RANBP2: variants seen among roughly 807,000 people sequenced by gnomAD.
The protein encoded by RANBP2 is RAN binding protein 2, also known as E3 SUMO-protein ligase RanBP2.
In RANBP2, 57 loss-of-function variants were observed where a neutral mutation model predicts 303.6. That is an observed-to-expected ratio of 0.19 (90% CI 0.15 to 0.23). The LOEUF is 0.23. RANBP2 is among the 10% of genes least tolerant of loss of function. The pLI is 1.00. For missense variants in RANBP2, 3,138 were observed against 3,780.8 expected (o/e 0.83, Z 4.46); for synonymous variants, 1,167 against 1,301.5 (o/e 0.90, Z 2.23).
the RANBP2 span, among the ~76,000 whole-genome samples, chr2:109,734,886 A>G: frequency 2.0e-5 from 3 of 152,158 alleles, no homozygotes; most frequent in African/African-American, 7.2e-5. Context: ...ATTGTCACAT[A>G]ATGATTGCAC....
At chr2:109,631,082 C>A in the RANBP2 span, among the ~76,000 whole-genome samples, 1 of 152,096 alleles carries the variant, frequency 6.6e-6, no homozygotes, top group East Asian at 1.9e-4. Flanking sequence ...AATAAACAAA[C>A]AACAGAAAGT....
At chr2:109,708,568 G>A in the RANBP2 span, among the ~76,000 whole-genome samples, 1 of 152,006 alleles carries the variant, frequency 6.6e-6, no homozygotes, top group Non-Finnish European at 1.5e-5. Flanking sequence ...GAAGGTTGCA[G>A]TGAGCCTGGG....
chr2:108,865,142 T>C, the RANBP2 span, among the ~76,000 whole-genome samples: 1 of 152,042 alleles, frequency 6.6e-6, no homozygotes, highest in Non-Finnish European at 1.5e-5. Flanking sequence ...TTTATATATA[T>C]TTTATATAGA....
At chr2:109,630,203 T>C in the RANBP2 span, among the ~76,000 whole-genome samples, 2 of 152,188 alleles carry the variant, frequency 1.3e-5, no homozygotes, top group African/African-American at 4.8e-5. Context: ...TATATTTATG[T>C]ATATTATGAT....
the RANBP2 span, among the ~76,000 whole-genome samples, chr2:109,297,076 C>T: frequency 6.6e-6 from 1 of 151,972 alleles, no homozygotes; most frequent in African/African-American, 2.4e-5. Flanking sequence ...GCTGTTGGTC[C>T]AGGTGGGGGG....
chr2:108,957,505 G>A, the RANBP2 span, among the ~76,000 whole-genome samples: 2 of 152,216 alleles, frequency 1.3e-5, no homozygotes, highest in Non-Finnish European at 2.9e-5. Flanking sequence ...GGGGCTGGAT[G>A]GTTCTATCAG....
At chr2:109,547,265 C>T in the RANBP2 span, among the ~76,000 whole-genome samples, 1 of 151,374 alleles carries the variant, frequency 6.6e-6, no homozygotes, top group Non-Finnish European at 1.5e-5. Flanking sequence ...ATTAACTGTT[C>T]TTTGTTGAAG....
At chr2:109,739,692 T>C in the RANBP2 span, among the ~76,000 whole-genome samples, 1 of 152,132 alleles carries the variant, frequency 6.6e-6, no homozygotes, top group African/African-American at 2.4e-5. Context: ...TACGTCTTCC[T>C]TTCCAATTTT....
At chr2:109,212,768 C>T in the RANBP2 span, among the ~76,000 whole-genome samples, 1 of 152,190 alleles carries the variant, frequency 6.6e-6, no homozygotes, top group Admixed American at 6.5e-5. Context: ...CTCCCCCACC[C>T]GTCAGTTCCC....
At chr2:109,218,521 G>A in the RANBP2 span, among the ~76,000 whole-genome samples, 6 of 152,200 alleles carry the variant, frequency 3.9e-5, no homozygotes, top group Admixed American at 6.5e-5. Flanking sequence ...ATGGAAGGGT[G>A]TGTGGTACGG....
At chr2:109,121,109 A>T in the RANBP2 span, among the ~76,000 whole-genome samples, 1 of 152,074 alleles carries the variant, frequency 6.6e-6, no homozygotes, top group Non-Finnish European at 1.5e-5. Flanking sequence ...TTAGCCGGAC[A>T]AGGTGGCAGG....
At chr2:108,858,589 G>C in the RANBP2 span, among the ~76,000 whole-genome samples, 1 of 152,150 alleles carries the variant, frequency 6.6e-6, no homozygotes, top group African/African-American at 2.4e-5. Flanking sequence ...AGCGAGGAAA[G>C]ATTGATCAAA....
chr2:109,625,498 CA>C, the RANBP2 span, among the ~76,000 whole-genome samples: 33,778 of 133,448 alleles, frequency 0.25, 4,989 homozygotes, highest in African/African-American at 0.45. Flanking sequence ...ACTAAAAATA[CA>C]AAAAAAAAAA....
the RANBP2 span, among the ~76,000 whole-genome samples, chr2:108,826,844 T>A: frequency 6.6e-6 from 1 of 152,248 alleles, no homozygotes; most frequent in Non-Finnish European, 1.5e-5. Context: ...AGTCTTGGCA[T>A]CTTAACAACA....
At chr2:109,058,986 C>G in the RANBP2 span, among the ~76,000 whole-genome samples, 1 of 152,126 alleles carries the variant, frequency 6.6e-6, no homozygotes, top group East Asian at 1.9e-4. Context: ...GACACAGTGG[C>G]CTGTGCACAG....
At chr2:109,298,065 A>C in the RANBP2 span, among the ~76,000 whole-genome samples, 2 of 152,156 alleles carry the variant, frequency 1.3e-5, no homozygotes, top group East Asian at 3.9e-4. Context: ...GATGTTCTGC[A>C]CTGGAGGTGG....
the RANBP2 span, chr2:109,552,877 T>C: frequency 1.1e-5 from 6 of 544,258 alleles, no homozygotes; most frequent in African/African-American, 9.7e-5. Flanking sequence ...TCCATAAATG[T>C]ACTGCTTTAA....
chr2:108,932,372 C>T, the RANBP2 span, among the ~76,000 whole-genome samples: 2 of 151,172 alleles, frequency 1.3e-5, no homozygotes, highest in Non-Finnish European at 3.0e-5. Flanking sequence ...ACTAAAAATA[C>T]AAAAAAATTA....
chr2:109,574,979 T>C, the RANBP2 span, among the ~76,000 whole-genome samples: 2 of 152,382 alleles, frequency 1.3e-5, no homozygotes, highest in Admixed American at 1.3e-4. Context: ...TATATCCTGA[T>C]AAATCCATCA....
Sources: allele counts gnomAD v4.1 joint callset (sites outside exome capture counted in the v4.1 genomes callset), GRCh38; gene constraint gnomAD v4.1.1; transcripts MANE v1.5; gene names NCBI Gene and HGNC (gene_info 2026-07-23, HGNC 2026-07-21).